CSMD1: variants seen among roughly 807,000 people sequenced by gnomAD.
CSMD1 encodes CUB and Sushi multiple domains 1.
A neutral mutation model predicts 417.5 loss-of-function variants in CSMD1; 213 were observed. That is an observed-to-expected ratio of 0.51 (90% CI 0.46 to 0.57). The LOEUF (loss-of-function observed/expected upper bound fraction) is 0.57. Ranked by LOEUF, CSMD1 falls within the 20% of genes least tolerant of loss-of-function variation. CSMD1 has a pLI of 0.00. For missense variants in CSMD1, 6,923 were observed against 4,529.7 expected, an observed-to-expected ratio of 1.53 and a Z score of -15.17; for synonymous variants, 2,862 against 1,736.8, an observed-to-expected ratio of 1.65 and a Z score of -16.11.
At chr8:4,080,208 G>C (rs745515316) in intron 3 of CSMD1, among the ~76,000 whole-genome samples, 80 of 151,968 alleles carry the variant, frequency 5.3e-4, no homozygotes, top group Admixed American at 2.0e-4. Context: ...CTCCCCAGTA[G>C]TAATAGTTGT....
intron 4 of CSMD1, among the ~76,000 whole-genome samples, chr8:4,015,078 G>C (rs994522384): frequency 1.3e-5 from 2 of 152,160 alleles, no homozygotes; most frequent in Non-Finnish European, 1.5e-5. Context: ...CACTGGAATT[G>C]TTTATTGCAA....
chr8:2,980,954 G>T (rs1173849127), intron 54 of CSMD1, among the ~76,000 whole-genome samples: 1 of 152,162 alleles, frequency 6.6e-6, no homozygotes, highest in African/African-American at 2.4e-5. Context: ...AAACTCAGTG[G>T]ATCCTAAAAT....
chr8:3,419,128 G>A (rs117858591), intron 12 of CSMD1, among the ~76,000 whole-genome samples: 1,894 of 152,280 alleles, frequency 0.012, 44 homozygotes, highest in East Asian at 0.096. Context: ...TCTCAATGAC[G>A]CAAGCTGCGC....
chr8:4,673,702 C>T (rs76997521), intron 1 of CSMD1, among the ~76,000 whole-genome samples: 12,869 of 152,134 alleles, frequency 0.085, 679 homozygotes, highest in Middle Eastern at 0.2. Context: ...CAAGAAAACC[C>T]ACAGCTGGTC....
At chr8:3,298,579 G>A (rs1279691847) in intron 25 of CSMD1, among the ~76,000 whole-genome samples, 1 of 151,974 alleles carries the variant, frequency 6.6e-6, no homozygotes, top group Non-Finnish European at 1.5e-5. Context: ...TCAGCCTCCC[G>A]AGTAGCTGGG....
intron 3 of CSMD1, among the ~76,000 whole-genome samples, chr8:4,268,594 T>A (rs1252331392): frequency 6.6e-6 from 1 of 152,154 alleles, no homozygotes; most frequent in East Asian, 1.9e-4. Flanking sequence ...AAAGACTTAT[T>A]TTTGCAAGAG....
chr8:4,168,015 G>C (rs1328031562), intron 3 of CSMD1, among the ~76,000 whole-genome samples: 1 of 151,970 alleles, frequency 6.6e-6, no homozygotes, highest in African/African-American at 2.4e-5. Context: ...TGTAATCCCA[G>C]CTAATCAGGA....
intron 3 of CSMD1, among the ~76,000 whole-genome samples, chr8:4,064,379 G>C (rs1012036434): frequency 1.3e-5 from 2 of 152,208 alleles, no homozygotes; most frequent in Admixed American, 1.3e-4. Context: ...GTTTTCTGCA[G>C]TTGTTTTCTC....
rs141574992 is a variant in CSMD1 at position 4,630,766 on chromosome 8, A to C, written c.302+6576T>G. Among the ~76,000 whole-genome samples, 512 of 152,122 alleles carry C rather than the reference A, an allele frequency of 3.4e-3. 6 individuals carry two copies. Among genetic ancestry groups the C allele is most frequent in the African/African-American group, 0.012 (485 of 41,480 alleles). On this transcript the variant is annotated intron_variant, in intron 2 of 69. Transcript: ENST00000635120. ...TGTTGAACCAGGTTTCTAAGCATTGATGGGTTTCTGTGATGTGTCATCTGT... is the reference window on the plus strand; with the variant it reads ...TGTTGAACCAGGTTTCTAAGCATTGCTGGGTTTCTGTGATGTGTCATCTGT...
chr8:3,687,771 G>C (rs1458738308), intron 7 of CSMD1, among the ~76,000 whole-genome samples: 1 of 152,148 alleles, frequency 6.6e-6, no homozygotes, highest in Non-Finnish European at 1.5e-5. Flanking sequence ...GCCAAGTCTG[G>C]CCTGTAAAAA....
chr8:4,794,239 G>GT (rs1563404901), intron 1 of CSMD1, among the ~76,000 whole-genome samples: 1 of 70,512 alleles, frequency 1.4e-5, no homozygotes, highest in African/African-American at 3.7e-5. Flanking sequence ...CTTTTTGTCA[G>GT]TAATATTTTG....
chr8:4,447,558 C>A (rs1463074277), intron 2 of CSMD1, among the ~76,000 whole-genome samples: 1 of 152,190 alleles, frequency 6.6e-6, no homozygotes, highest in Admixed American at 6.5e-5. Flanking sequence ...CAGAGTAACA[C>A]TACAAATACC....
chr8:4,809,066 G>A (rs778407432), intron 1 of CSMD1, among the ~76,000 whole-genome samples: 9 of 152,284 alleles, frequency 5.9e-5, no homozygotes, highest in South Asian at 4.1e-4. Flanking sequence ...CAGCTTCACT[G>A]CCTCTGGCTG....
At chr8:4,941,382 T>G (rs1807988892) in intron 1 of CSMD1, among the ~76,000 whole-genome samples, 1 of 152,210 alleles carries the variant, frequency 6.6e-6, no homozygotes, top group African/African-American at 2.4e-5. Context: ...AAATATTATC[T>G]TTTGATGGTC....
At chr8:3,738,206 A>ATATATTTATTTTT in intron 6 of CSMD1, among the ~76,000 whole-genome samples, 1 of 152,220 alleles carries the variant, frequency 6.6e-6, no homozygotes, top group Non-Finnish European at 1.5e-5. Flanking sequence ...GAAATAAATT[A>ATATATTTATTTTT]TATGAAGTAG....
At chr8:4,516,928 C>T (rs969715421) in intron 2 of CSMD1, among the ~76,000 whole-genome samples, 1 of 151,912 alleles carries the variant, frequency 6.6e-6, no homozygotes, top group African/African-American at 2.4e-5. Context: ...TCTCATGACT[C>T]AGAATTATTA....
chr8:3,844,292 A>T (rs1034522071), intron 5 of CSMD1, among the ~76,000 whole-genome samples: 3 of 152,178 alleles, frequency 2.0e-5, no homozygotes, highest in Non-Finnish European at 1.5e-5. Flanking sequence ...TGAGTCAAGG[A>T]AAATTAATAA....
At chr8:4,255,630 C>G (rs1803401859) in intron 3 of CSMD1, among the ~76,000 whole-genome samples, 1 of 152,158 alleles carries the variant, frequency 6.6e-6, no homozygotes, top group African/African-American at 2.4e-5. Context: ...CAGCAACAAC[C>G]TCGCACTGCA....
chr8:2,940,991 G>A (rs1801833187), intron 69 of CSMD1, among the ~76,000 whole-genome samples: 1 of 152,158 alleles, frequency 6.6e-6, no homozygotes, highest in African/African-American at 2.4e-5. Flanking sequence ...TCTGATCATG[G>A]CATCTTATTG....
Sources: allele counts gnomAD v4.1 joint callset (sites outside exome capture counted in the v4.1 genomes callset), GRCh38; gene constraint gnomAD v4.1.1; transcripts MANE v1.5; gene names NCBI Gene and HGNC (gene_info 2026-07-23, HGNC 2026-07-21).